PARD6G: variants seen among roughly 807,000 people sequenced by gnomAD.
PARD6G encodes the protein par-6 family cell polarity regulator gamma.
PARD6G carries 7 observed loss-of-function variants against 10.7 expected under a neutral mutation model. The observed-to-expected ratio is 0.66, with a 90% CI of 0.37 to 1.23. PARD6G has a LOEUF of 1.23. Among genes scored for constraint, PARD6G ranks in the 50% most tolerant of loss-of-function variants. The pLI is 0.02. For missense variants in PARD6G, 548 were observed against 571.8 expected (o/e 0.96, Z 0.42); for synonymous variants, 287 against 269.4 (o/e 1.07, Z -0.64).
intron 1 of PARD6G, among the ~76,000 whole-genome samples, chr18:80,221,573 T>C (rs535431252): frequency 6.6e-6 from 1 of 152,154 alleles, no homozygotes; most frequent in East Asian, 1.9e-4. Context: ...ATAGAGAATA[T>C]CTATGAAAAC....
intron 1 of PARD6G, 105 bp from the exon 2 acceptor site, chr18:80,203,037 C>G (rs891340498): frequency 8.2e-6 from 6 of 729,410 alleles, no homozygotes; most frequent in African/African-American, 1.8e-5. Flanking sequence ...TATTTACATT[C>G]CACATTTTCT....
chr18:80,206,418 A>G (rs2145283578), intron 1 of PARD6G, among the ~76,000 whole-genome samples: 1 of 152,348 alleles, frequency 6.6e-6, no homozygotes, highest in Middle Eastern at 3.4e-3. Flanking sequence ...TCATTGTCAC[A>G]TACTTCTTGG....
At chr18:80,210,803 A>G (rs1463630277) in intron 1 of PARD6G, among the ~76,000 whole-genome samples, 1 of 152,228 alleles carries the variant, frequency 6.6e-6, no homozygotes, top group Non-Finnish European at 1.5e-5. Flanking sequence ...ACTTTAATGA[A>G]CTTACAACGA....
At chr18:80,168,740 A>C (rs2052753825) in intron 2 of PARD6G, 1 of 168,948 alleles carries the variant, frequency 5.9e-6, no homozygotes, top group Admixed American at 6.6e-5. Flanking sequence ...CCTCCTGAGT[A>C]GCTGGGATTA....
intron 1 of PARD6G, among the ~76,000 whole-genome samples, chr18:80,240,466 A>C (rs1258830567): frequency 6.6e-6 from 1 of 152,128 alleles, no homozygotes; most frequent in African/African-American, 2.4e-5. Context: ...CCCTAATATA[A>C]ACAAGGCACT....
chr18:80,205,311 T>G (rs1967045225), intron 1 of PARD6G, among the ~76,000 whole-genome samples: 1 of 152,162 alleles, frequency 6.6e-6, no homozygotes, highest in Non-Finnish European at 1.5e-5. Flanking sequence ...GCCTACAACA[T>G]CAGTTTTATG....
chr18:80,165,030 A>G (rs2090672), intron 2 of PARD6G, among the ~76,000 whole-genome samples: 64,732 of 152,014 alleles, frequency 0.43, 15,017 homozygotes, highest in East Asian at 0.55. Context: ...TATGTTCAGC[A>G]GTGCACATAT....
Position 80,200,176 on chromosome 18 carries a change from G to T in PARD6G, c.295+2534C>A, listed in dbSNP as rs1250992141. 6.6e-6 allele frequency among the ~76,000 whole-genome samples: 1 copy of T among 152,162 alleles called. No individual in the cohort carries two copies. The highest frequency in any genetic ancestry group is 1.9e-4 in the East Asian group (1 of 5,196). ...TCGACACCCCTGCTGCAGTAAAAAG[G>T]CTGTGGGATTGAGTGTTGCCTCTCA... On this transcript the variant is annotated intron_variant, in intron 2 of 2. Transcript: ENST00000353265. This position sits in a 1 kb window ranked among gnomAD's most constrained non-coding sequence, Gnocchi z 4.4.
At chr18:80,190,504 G>A (rs192166282) in intron 2 of PARD6G, among the ~76,000 whole-genome samples, 3 of 152,290 alleles carry the variant, frequency 2.0e-5, no homozygotes, top group East Asian at 1.9e-4. Flanking sequence ...ACCCATGAGC[G>A]CCTGAGCACA....
chr18:80,173,708 A>G (rs2052791586), intron 2 of PARD6G, among the ~76,000 whole-genome samples: 1 of 152,150 alleles, frequency 6.6e-6, no homozygotes, highest in East Asian at 1.9e-4. Context: ...TGTTAAATGA[A>G]TTTCTTCAAA....
In PARD6G at chr18:80,183,811, T is replaced by C. The variant is rs778029570; in HGVS notation, c.295+18899A>G. 6.6e-6 allele frequency: 1 copy of C among 152,240 alleles called. No individual in the cohort carries two copies. Among genetic ancestry groups the C allele is most frequent in the Non-Finnish European group, 1.5e-5 (1 of 68,088 alleles). The allele number at this position is 152,240 out of a possible 1,614,324, so 9.4% of individuals were successfully genotyped here. A position where few individuals can be genotyped will look rare whatever the true frequency, so the allele number is the denominator to read the frequency against. On this transcript the variant is annotated intron_variant, in intron 2 of 2. Transcript: ENST00000353265. The surrounding 1 kb of genome is among the most constrained non-coding windows in gnomAD (Gnocchi z 4.5). ...ATAAGTCCTCTAAATAAAGCTGTGG[T>C]ATGAAGTTTAAATGCCCCAAGTCAG...
chr18:80,210,279 A>G (rs1967094949), intron 1 of PARD6G, among the ~76,000 whole-genome samples: 1 of 152,262 alleles, frequency 6.6e-6, no homozygotes, highest in Non-Finnish European at 1.5e-5. Flanking sequence ...GAATACTGGG[A>G]AAAACTGTCA....
Position 80,200,001 on chromosome 18 carries a change from G to T in PARD6G, c.295+2709C>A, listed in dbSNP as rs1966994341. Among the ~76,000 whole-genome samples the T allele has an allele frequency of 6.6e-6, 1 of 152,144 alleles. No individual in the cohort carries two copies. Reference sequence around the variant, plus strand: ...GTGGGTTTATTCCAACATGTATTAGGAGAATGCTGACTTTTCCTCTGTGAT... The same window carrying T: ...GTGGGTTTATTCCAACATGTATTAGTAGAATGCTGACTTTTCCTCTGTGAT... On this transcript the variant is annotated intron_variant, in intron 2 of 2. Transcript: ENST00000353265. The surrounding 1 kb of genome is among the most constrained non-coding windows in gnomAD (Gnocchi z 4.4).
intron 1 of PARD6G, among the ~76,000 whole-genome samples, chr18:80,212,070 C>A (rs143278172): frequency 6.6e-6 from 1 of 152,258 alleles, no homozygotes; most frequent in African/African-American, 2.4e-5. Flanking sequence ...AATCGATTCC[C>A]AGCCAGGGCC....
At position 80,231,834 on chromosome 18, in the gene PARD6G, C is replaced by T. The variant is rs1967361285; in HGVS notation, c.72+15443G>A. 6.6e-6 allele frequency among the ~76,000 whole-genome samples: 1 copy of T among 152,092 alleles called. No homozygotes were observed. The highest frequency in any genetic ancestry group is 1.9e-4 in the East Asian group (1 of 5,180). On this transcript the variant is annotated intron_variant, in intron 1 of 2. Coordinates refer to ENST00000353265, the MANE Select transcript of PARD6G (RefSeq NM_032510.4). The surrounding 1 kb of genome is among the most constrained non-coding windows in gnomAD (Gnocchi z 4.2). ...GCATCCACAGGGATGGCTGCCGAGC[C>T]CTTCTCAAAAACCCAAAGTTGCAAG... is the stretch of plus-strand genomic sequence containing the variant.
At chr18:80,194,201 G>C (rs756569841) in intron 2 of PARD6G, among the ~76,000 whole-genome samples, 1 of 152,136 alleles carries the variant, frequency 6.6e-6, no homozygotes, top group African/African-American at 2.4e-5. Flanking sequence ...AAAACAACAC[G>C]GCCTTAATGT....
chr18:80,197,083 GC>G (rs1316350350), intron 2 of PARD6G, among the ~76,000 whole-genome samples: 2 of 151,966 alleles, frequency 1.3e-5, no homozygotes, highest in Non-Finnish European at 2.9e-5. Flanking sequence ...CCTCTTCCCT[GC>G]CCCCAAGAAA....
intron 2 of PARD6G, among the ~76,000 whole-genome samples, chr18:80,179,239 T>C (rs1357069986): frequency 2.8e-5 from 4 of 143,796 alleles, no homozygotes; most frequent in Admixed American, 1.4e-4. Context: ...TTTTTTTTTT[T>C]CAAACTGGAG....
At chr18:80,208,971 A>C (rs1214908807) in intron 1 of PARD6G, among the ~76,000 whole-genome samples, 3 of 152,144 alleles carry the variant, frequency 2.0e-5, no homozygotes, top group African/African-American at 7.2e-5. Context: ...GTGGTGGCAC[A>C]CGCTTGTAGT....
Sources: gnomAD v4.1 joint callset for allele counts (sites outside exome capture counted in the v4.1 genomes callset) on GRCh38, gnomAD v4.1.1 for gene constraint, Gnocchi (gnomAD v3.1) non-coding constraint, MANE v1.5 for transcripts, NCBI Gene and HGNC (gene_info 2026-07-23, HGNC 2026-07-21) for gene names.